PAXIP1: variants seen among roughly 807,000 people sequenced by gnomAD.
The protein encoded by PAXIP1 is PAX-interacting protein 1.
A neutral mutation model predicts 140.6 loss-of-function variants in PAXIP1; 19 were observed. The ratio of observed to expected loss-of-function variants is 0.14; its 90% confidence interval spans 0.09 to 0.20. The LOEUF (loss-of-function observed/expected upper bound fraction) is 0.20, where lower values mean the gene tolerates loss of function less well. Among genes scored for constraint, PAXIP1 ranks in the 10% least tolerant of loss-of-function variants. PAXIP1 has a pLI of 1.00. For missense variants in PAXIP1, 920 were observed against 1,208.6 expected, an observed-to-expected ratio of 0.76 and a Z score of 3.54; for synonymous variants, 442 against 444.6, an observed-to-expected ratio of 0.99 and a Z score of 0.07.
At position 154,960,969 on chromosome 7, in the gene PAXIP1, A is replaced by G; in HGVS notation, c.2358T>C (p.Ile786=). The change falls in exon 12 of 21, where the codon ATT becomes ATC. Residue 786 remains isoleucine, a synonymous_variant. Transcript: ENST00000404141. The stretch of plus-strand genomic sequence containing the variant: ...TGAATGCCGTGTAGCGACTATACTG[A>G]ATCTGCCTCAGTGCCTCAAAGTTTC... ...LLGNFEALRQ[I]QYSRYTAFSL... 6.2e-7 allele frequency: 1 copy of G among 1,604,664 alleles called. No individual in the cohort carries two copies. Among genetic ancestry groups the G allele is most frequent in the African/African-American group, 1.3e-5 (1 of 74,906 alleles).
chr7:154,961,348 C>T (rs1038541469), intron 11 of PAXIP1, among the ~76,000 whole-genome samples, 179 bp downstream of exon 11: 1 of 152,152 alleles, frequency 6.6e-6, no homozygotes, highest in East Asian at 1.9e-4. Context: ...TTCATTAATT[C>T]AAATGTTTTC....
At chr7:154,996,659 A>G (rs1362111662) in intron 2 of PAXIP1, among the ~76,000 whole-genome samples, 1 of 152,214 alleles carries the variant, frequency 6.6e-6, no homozygotes, top group African/African-American at 2.4e-5. Context: ...CAGTGACTCT[A>G]CATATAGCAG....
In PAXIP1 at chr7:154,963,131, C is replaced by G. The variant is rs976815532; in HGVS notation, c.1989+540G>C. On this transcript the variant is annotated intron_variant, in intron 9 of 20. Coordinates refer to ENST00000404141, the MANE Select transcript of PAXIP1 (RefSeq NM_007349.4). This position sits in a 1 kb window ranked among gnomAD's most constrained non-coding sequence, Gnocchi z 4.1. ...GAATCCTGCGTCCCTTCACCGTGCACAGAGAGCAGCTGGAATGGTGACTGC... is the reference window on the plus strand; with the variant it reads ...GAATCCTGCGTCCCTTCACCGTGCAGAGAGAGCAGCTGGAATGGTGACTGC... Among the ~76,000 whole-genome samples, 1 of 152,132 alleles carries G rather than the reference C, an allele frequency of 6.6e-6. No homozygotes were observed. The highest frequency in any genetic ancestry group is 1.5e-5 in the Non-Finnish European group (1 of 68,020).
chr7:154,944,109 C>A lies in PAXIP1; in HGVS notation c.*40G>T. On this transcript the variant is annotated 3_prime_UTR_variant, in exon 21 of 21. Coordinates refer to ENST00000404141, the MANE Select transcript of PAXIP1 (RefSeq NM_007349.4). ...TCCTCGCCAGCCAGACAGCCAGCCC[C>A]GCACCGCAGGAGTCGACATGCACGG... is the stretch of plus-strand genomic sequence containing the variant. 1.2e-6 allele frequency: 2 copies of A among 1,609,446 alleles called. No homozygotes were observed. Among genetic ancestry groups the A allele is most frequent in the Non-Finnish European group, 8.5e-7 (1 of 1,176,932 alleles).
In PAXIP1 at chr7:154,961,641, G is replaced by C. The variant is rs373967152; in HGVS notation, c.2135C>G (p.Ser712Cys). Residue 712 changes from serine to cysteine, a missense_variant, in exon 11 of 21, where the codon TCT becomes TGT. Coordinates refer to ENST00000404141, the MANE Select transcript of PAXIP1 (RefSeq NM_007349.4). ...GGKPCSQHII[S>C]VTGFVDSDRD... is the part of the protein sequence containing the mutation. ...GTCACTATCAACAAATCCAGTCACA[G>C]AAATAATCTAAGAAAAAAAGAGAAA... The C allele has an allele frequency of 6.3e-7, 1 of 1,588,970 alleles. No individual in the cohort carries two copies. Among genetic ancestry groups the C allele is most frequent in the Non-Finnish European group, 8.6e-7 (1 of 1,168,558 alleles).
At chr7:155,001,489 A>C (rs1810886110) in intron 1 of PAXIP1, 1 of 151,684 alleles carries the variant, frequency 6.6e-6, no homozygotes, top group Non-Finnish European at 1.5e-5. Context: ...GTAAATTCAA[A>C]GATAGAAGGC....
In PAXIP1 at chr7:154,986,057, G is replaced by A. The variant is rs1810056356; in HGVS notation, c.325-2725C>T. 2.9e-6 allele frequency: 4 copies of A among 1,365,144 alleles called. No individual in the cohort carries two copies. Among genetic ancestry groups the A allele is most frequent in the East Asian group, 4.6e-5 (1 of 21,938 alleles). 84.6% of individuals were successfully genotyped at this position (1,365,144 alleles called of 1,614,324 possible). A position where few individuals can be genotyped will look rare whatever the true frequency, so the allele number is the denominator to read the frequency against. On this transcript the variant is annotated intron_variant, in intron 4 of 20. Transcript: ENST00000404141. The surrounding 1 kb of genome is among the most constrained non-coding windows in gnomAD (Gnocchi z 4.8). ...AGAGGCCTCAGCCTGCATCAATACC[G>A]GGTCAGAAGAAGGCAGATGATCTCT...
intron 2 of PAXIP1, among the ~76,000 whole-genome samples, chr7:154,997,667 A>C (rs2150789166): frequency 6.6e-6 from 1 of 152,350 alleles, no homozygotes; most frequent in African/African-American, 2.4e-5. Context: ...ATAACATAAT[A>C]CAGTAGGTGG....
In PAXIP1 at chr7:154,973,856, A is replaced by AT. The variant is rs1176519996; in HGVS notation, c.1074+1839dup. On this transcript the variant is annotated intron_variant, in intron 6 of 20. Transcript: ENST00000404141. The surrounding 1 kb of genome is among the most constrained non-coding windows in gnomAD (Gnocchi z 4.0). ...GGTTGTTCCTATATGCTACAGAGCCATTTTTCTGGGACTTTGAGCTGTCAT... is the reference window on the plus strand; with the variant it reads ...GGTTGTTCCTATATGCTACAGAGCCATTTTTTCTGGGACTTTGAGCTGTCAT... Among the ~76,000 whole-genome samples the AT allele has an allele frequency of 6.6e-6, 1 of 152,150 alleles. No homozygotes were observed. Among genetic ancestry groups the AT allele is most frequent in the East Asian group, 1.9e-4 (1 of 5,180 alleles).
intron 2 of PAXIP1, among the ~76,000 whole-genome samples, chr7:154,996,715 T>TA (rs1331154289): frequency 6.6e-6 from 1 of 152,256 alleles, no homozygotes; most frequent in Non-Finnish European, 1.5e-5. Flanking sequence ...ATTTATTATT[T>TA]ACTTGCCTTT....
At chr7:154,996,518 G>C (rs1810622368) in intron 2 of PAXIP1, among the ~76,000 whole-genome samples, 1 of 152,170 alleles carries the variant, frequency 6.6e-6, no homozygotes, top group Admixed American at 6.5e-5. Context: ...CCAGGAATAT[G>C]AATACTGTGT....
chr7:154,990,434 G>T (rs565153500), intron 4 of PAXIP1, among the ~76,000 whole-genome samples: 1 of 152,328 alleles, frequency 6.6e-6, no homozygotes, highest in East Asian at 1.9e-4. Flanking sequence ...CTAGGAAACT[G>T]CTGTACTCCC....
intron 12 of PAXIP1, 25 bp downstream of exon 12, chr7:154,960,868 T>G (rs1446323919): frequency 6.7e-7 from 1 of 1,485,358 alleles, no homozygotes; most frequent in East Asian, 2.4e-5. Flanking sequence ...TAAGTAAGAT[T>G]TGCAGCATGT....
chr7:154,998,678 C>T lies in PAXIP1; in HGVS notation c.188G>A (p.Arg63Gln), dbSNP rs758375967. ...TACAACAGGTAAGTCAAAGACTTCCCGAGCTTCTCCCACCTCTGGATTGTC... is the reference window on the plus strand; with the variant it reads ...TACAACAGGTAAGTCAAAGACTTCCTGAGCTTCTCCCACCTCTGGATTGTC... Reference protein sequence around the residue: ...DGDNPEVGEAREVFDLPVVKP... With the variant: ...DGDNPEVGEAQEVFDLPVVKP... Residue 63 changes from arginine (R) to glutamine (Q), a missense_variant, in exon 2 of 21, where the codon CGG becomes CAG. Coordinates refer to ENST00000404141, the MANE Select transcript of PAXIP1 (RefSeq NM_007349.4). The T allele has an allele frequency of 3.7e-6, 6 of 1,613,420 alleles. No individual in the cohort carries two copies. Among genetic ancestry groups the T allele is most frequent in the African/African-American group, 1.3e-5 (1 of 74,986 alleles).
intron 4 of PAXIP1, among the ~76,000 whole-genome samples, chr7:154,987,093 C>T (rs1318106234): frequency 1.3e-5 from 2 of 152,208 alleles, no homozygotes; most frequent in African/African-American, 4.8e-5. Context: ...AGTCTGCTCA[C>T]CTAGTTGTTT....
At chr7:154,983,373 A>G in intron 4 of PAXIP1, 41 bp from the exon 5 acceptor site, 1 of 935,332 alleles carries the variant, frequency 1.1e-6, no homozygotes, top group East Asian at 2.5e-5. Flanking sequence ...CATACATTTC[A>G]ATCTGTGCAT....
intron 16 of PAXIP1, chr7:154,951,026 C>G (rs1808247039): frequency 6.6e-6 from 1 of 152,300 alleles, no homozygotes; most frequent in Non-Finnish European, 1.5e-5. Context: ...TGGAACAACT[C>G]CATATGACGC....
In PAXIP1 at chr7:154,983,297, C is replaced by G. The variant is rs750061043; in HGVS notation, c.360G>C (p.Leu120Phe). 3.1e-5 allele frequency: 50 copies of G among 1,610,942 alleles called. No homozygotes were observed. Among genetic ancestry groups the G allele is most frequent in the Non-Finnish European group, 4.0e-5 (47 of 1,177,818 alleles). ...GGCAATCTCCCCCATAGAACGTAAC[C>G]AAAGCCCACAGGGCACTTCTGTCTT... ...SSEDRSALWALVTFYGGDCQL... is the reference protein window; with the variant it reads ...SSEDRSALWAFVTFYGGDCQL... The change falls in exon 5 of 21, where the codon TTG (leucine) becomes TTC (phenylalanine). Residue 120 changes from leucine (L) to phenylalanine (F), a missense_variant. Physicochemically the swap from Leu to Phe is conservative, Grantham distance 22. This residue lies in a region of PAXIP1 where 419 missense variants were observed against 514.7 expected (regional missense o/e 0.81). Transcript: ENST00000404141.
At chr7:154,953,764 A>G (rs971089699) in intron 16 of PAXIP1, among the ~76,000 whole-genome samples, 1 of 152,188 alleles carries the variant, frequency 6.6e-6, no homozygotes, top group African/African-American at 2.4e-5. Context: ...TCCTTTACAT[A>G]CCATGTCTAA....
Sources: gnomAD v4.1 joint callset for allele counts (sites outside exome capture counted in the v4.1 genomes callset) on GRCh38, gnomAD v4.1.1 for gene constraint, gnomAD v4.1.1 regional missense constraint, Gnocchi (gnomAD v3.1) non-coding constraint, MANE v1.5 for transcripts, NCBI Gene and HGNC (gene_info 2026-07-23, HGNC 2026-07-21) for gene names.